Variants in IL4I1 observed in about 807,000 individuals in gnomAD.
IL4I1 encodes interleukin 4 induced 1.
IL4I1 carries 24 observed loss-of-function variants against 29.7 expected under a neutral mutation model. That is an observed-to-expected ratio of 0.81 (90% confidence interval 0.59 to 1.14). The LOEUF is 1.14. IL4I1 is among the 50% of genes most tolerant of loss of function. IL4I1 has a pLI of 0.00. For synonymous variants in IL4I1, 371 were observed against 352.5 expected, an observed-to-expected ratio of 1.05 and a Z score of -0.59; for missense variants, 686 against 785.6, an observed-to-expected ratio of 0.87 and a Z score of 1.52.
upstream of IL4I1, chr19:49,901,573 C>T (rs1237722996): frequency 2.6e-6 from 3 of 1,140,382 alleles, no homozygotes; most frequent in Non-Finnish European, 1.2e-6. Flanking sequence ...GGACAGGGTC[C>T]CCCTTCCCAT....
At chr19:49,929,157 TGC>T in intron 1 of IL4I1, 1 of 151,682 alleles carries the variant, frequency 6.6e-6, no homozygotes, top group South Asian at 2.1e-4. Flanking sequence ...GGGAGGGCCG[TGC>T]TCCGCCACCC....
Position 49,894,449 on chromosome 19 carries a change from T to A in IL4I1, c.386A>T (p.Gln129Leu). The change falls in exon 5 of 8, where the codon CAG becomes CTG. Residue 129 changes from glutamine (Q) to leucine (L), a missense_variant. By Grantham distance (113) the Gln-to-Leu change is moderately radical. Coordinates refer to ENST00000391826, the MANE Select transcript of IL4I1 (RefSeq NM_152899.2). Reference protein sequence around the residue: ...SSHRILHKLCQGLGLNLTKFT... With the variant: ...SSHRILHKLCLGLGLNLTKFT... ...CTTGGTCAGGTTGAGCCCCAGGCCC[T>A]GGCAGAGCTTGTGGAGGATCCTGAT... The A allele has an allele frequency of 6.2e-7, 1 of 1,612,156 alleles. No individual in the cohort carries two copies. The highest frequency in any genetic ancestry group is 1.1e-5 in the South Asian group (1 of 91,054).
intron 2 of IL4I1, among the ~76,000 whole-genome samples, chr19:49,924,299 G>A (rs931773581): frequency 3.3e-5 from 5 of 152,094 alleles, no homozygotes; most frequent in African/African-American, 1.2e-4. Flanking sequence ...TCTTGGCACC[G>A]AGCCTCAGAT....
intron 2 of IL4I1, chr19:49,907,962 A>C: frequency 1.7e-6 from 1 of 576,652 alleles, no homozygotes; most frequent in Non-Finnish European, 3.0e-6. Context: ...AGGCTGAGCC[A>C]GGATGAGGTG....
chr19:49,896,846 G>A lies in IL4I1; in HGVS notation c.-34C>T, dbSNP rs2075218056. 5 of 986,066 alleles carry A rather than the reference G, an allele frequency of 5.1e-6. No homozygotes were observed. The highest frequency in any genetic ancestry group is 6.0e-6 in the Non-Finnish European group (5 of 830,388). 61.1% of individuals were successfully genotyped at this position (986,066 alleles called of 1,614,324 possible). A position where few individuals can be genotyped will look rare whatever the true frequency, so the allele number is the denominator to read the frequency against. On this transcript the variant is annotated 5_prime_UTR_variant, in exon 1 of 8. Transcript: ENST00000391826. ...GGCCGTGTCACTACCTCCAGCTCTT[G>A]GTGACAGCAGGACAGCGCGGTCCTC...
rs771041868 is a variant in IL4I1, at chr19:49,909,213, T to C, written c.-227-4892A>G. ...GCAGCTGGCTGTGTGGCACCTGCTG[T>C]GGTGGCTGCTGGCGTGGCCGGAGTG... On this transcript the variant is annotated intron_variant, in intron 2 of 9. Transcript: ENST00000341114. 3.7e-6 allele frequency: 6 copies of C among 1,613,916 alleles called. No individual in the cohort carries two copies. Among genetic ancestry groups the C allele is most frequent in the Non-Finnish European group, 5.1e-6 (6 of 1,180,014 alleles).
At chr19:49,903,830 G>GTT (rs113175852) in intron 3 of IL4I1, among the ~76,000 whole-genome samples, 4,244 of 66,376 alleles carry the variant, frequency 0.064, 1,133 homozygotes, top group African/African-American at 0.18. Flanking sequence ...TATGTGCTGG[G>GTT]TTTTTTTTTT....
intron 2 of IL4I1, among the ~76,000 whole-genome samples, chr19:49,923,120 A>G (rs1231977930): frequency 6.6e-6 from 1 of 152,118 alleles, no homozygotes; most frequent in East Asian, 1.9e-4. Flanking sequence ...TGAAGGGACA[A>G]GGGCAGGCAC....
intron 2 of IL4I1, chr19:49,908,802 G>C (rs781148765): frequency 6.8e-6 from 11 of 1,613,674 alleles, no homozygotes; most frequent in Non-Finnish European, 9.3e-6. Flanking sequence ...TTGTTGATCA[G>C]GCTCTCCAGC....
At chr19:49,908,186 G>A (rs906846027) in intron 2 of IL4I1, 3 of 1,598,270 alleles carry the variant, frequency 1.9e-6, no homozygotes, top group Non-Finnish European at 2.6e-6. Flanking sequence ...ACAACAGGGC[G>A]CATTCCCCTC....
rs759994452 is a variant in IL4I1, at chr19:49,890,270, G to C, written c.1104C>G (p.His368Gln). The change falls in exon 8 of 8, where the codon CAC becomes CAG. Residue 368 changes from histidine (H) to glutamine (Q), a missense_variant. His to Gln is a conservative substitution (Grantham distance 24, BLOSUM62 0). Coordinates refer to ENST00000391826, the MANE Select transcript of IL4I1 (RefSeq NM_152899.2). Reference protein sequence around the residue: ...SFRRPFWREEHIEGGHSNTDR... With the variant: ...SFRRPFWREEQIEGGHSNTDR... ...CGGTGTTTGAGTGGCCGCCTTCAAT[G>C]TGCTCCTCGCGCCAGAAGGGCCTGC... The C allele has an allele frequency of 3.6e-5, 57 of 1,588,634 alleles. No homozygotes were observed. The highest frequency in any genetic ancestry group is 4.7e-5 in the Non-Finnish European group (55 of 1,168,460).
chr19:49,921,976 G>A lies in IL4I1; in HGVS notation c.-228+5718C>T, dbSNP rs942319690. On this transcript the variant is annotated intron_variant, in intron 2 of 9. Coordinates refer to the IL4I1 transcript ENST00000341114. This position sits in a 1 kb window ranked among gnomAD's most constrained non-coding sequence, Gnocchi z 5.4. ...AAGCAGCCCCGACGGCAGGGCCCTA[G>A]GGCCCCAGGCCAGGCCACCACGACC... is the stretch of plus-strand genomic sequence containing the variant. 2.0e-5 allele frequency among the ~76,000 whole-genome samples: 3 copies of A among 152,190 alleles called. No individual in the cohort carries two copies. Among genetic ancestry groups the A allele is most frequent in the African/African-American group, 7.2e-5 (3 of 41,448 alleles).
At chr19:49,905,426 GAGTCA>G (rs932147773) in intron 2 of IL4I1, among the ~76,000 whole-genome samples, 57 of 152,120 alleles carry the variant, frequency 3.7e-4, no homozygotes, top group Non-Finnish European at 5.7e-4. Context: ...GGGACAATAT[GAGTCA>G]AGGCCTATGA....
intron 5 of IL4I1, among the ~76,000 whole-genome samples, chr19:49,893,392 G>A (rs1291162882): frequency 1.3e-5 from 2 of 151,952 alleles, no homozygotes; most frequent in African/African-American, 4.8e-5. Context: ...GGAGGTGGGC[G>A]AGGAGGAGGT....
At chr19:49,896,268 G>C in intron 1 of IL4I1, 86 bp from the exon 2 acceptor site, 2 of 1,421,066 alleles carry the variant, frequency 1.4e-6, no homozygotes, top group African/African-American at 1.4e-5. Flanking sequence ...CTGCCCAGCT[G>C]CTAGAGCCGG....
In IL4I1 at chr19:49,896,147, C is replaced by G. The variant is rs920481295; in HGVS notation, c.13+1G>C. The G allele has an allele frequency of 3.2e-6, 5 of 1,547,494 alleles. No homozygotes were observed. The highest frequency in any genetic ancestry group is 4.4e-6 in the Non-Finnish European group (5 of 1,144,634). On this transcript the variant is annotated splice_donor_variant, in intron 2 of 7. Transcript: ENST00000391826. LOFTEE classifies it high-confidence loss of function. The stretch of plus-strand genomic sequence containing the variant: ...CCAGAGCCCCTCCCCTGCTTACTCA[C>G]CCAATGGGGCCATGACTCTCGGTGG...
Position 49,890,367 on chromosome 19 carries a change from AGCG to A in IL4I1, c.1004_1006del (p.Pro335del). 6.2e-7 allele frequency: 1 copy of A among 1,600,024 alleles called. No homozygotes were observed. Among genetic ancestry groups the A allele is most frequent in the Non-Finnish European group, 8.5e-7 (1 of 1,174,020 alleles). ...CAGCGCCTCCTGCATGTGGCGGGGC[AGCG>A]GCGGCGAGAAGGTGATGCGCTTCAC... On this transcript the variant is annotated inframe_deletion, in exon 8 of 8. Transcript: ENST00000391826.
intron 2 of IL4I1, among the ~76,000 whole-genome samples, chr19:49,910,379 G>T (rs977454172): frequency 2.0e-5 from 3 of 151,992 alleles, no homozygotes; most frequent in Non-Finnish European, 2.9e-5. Context: ...TGGATGGCAG[G>T]GTCTGGGTTG....
chr19:49,901,959 C>T, intron 3 of IL4I1: 1 of 342,414 alleles, frequency 2.9e-6, no homozygotes, highest in Non-Finnish European at 5.3e-6. Context: ...CCCTCCCCGC[C>T]CTCTCACTGG....
Sources: allele counts gnomAD v4.1 joint callset (sites outside exome capture counted in the v4.1 genomes callset), GRCh38; gene constraint gnomAD v4.1.1; non-coding constraint Gnocchi (gnomAD v3.1); transcripts MANE v1.5; gene names NCBI Gene and HGNC (gene_info 2026-07-23, HGNC 2026-07-21).